AOPEP: variants seen among roughly 807,000 people sequenced by gnomAD.
The protein encoded by AOPEP is aminopeptidase O (putative).
A neutral mutation model predicts 98.1 loss-of-function variants in AOPEP; 77 were observed. The ratio of observed to expected loss-of-function variants is 0.78; its 90% CI spans 0.65 to 0.95. The LOEUF is 0.95. Ranked by LOEUF, AOPEP falls within the 40% of genes least tolerant of loss-of-function variation. AOPEP has a pLI of 0.00. For missense variants in AOPEP, 1,024 were observed against 1,024.7 expected, an observed-to-expected ratio of 1.00 and a Z score of 0.01; for synonymous variants, 346 against 365.3, an observed-to-expected ratio of 0.95 and a Z score of 0.60.
chr9:95,096,440 G>T, the AOPEP span, among the ~76,000 whole-genome samples: 1 of 152,136 alleles, frequency 6.6e-6, no homozygotes, highest in African/African-American at 2.4e-5. Context: ...GTGGGTGCGG[G>T]AGGTGGGTGG....
intron 14 of AOPEP, among the ~76,000 whole-genome samples, chr9:95,071,827 A>G (rs905918420): frequency 6.6e-6 from 1 of 152,298 alleles, no homozygotes; most frequent in Admixed American, 6.5e-5. Flanking sequence ...GGGGTACTCT[A>G]AAGACACAGT....
intron 5 of AOPEP, among the ~76,000 whole-genome samples, chr9:94,857,569 C>T (rs1388956899): frequency 6.6e-6 from 1 of 152,038 alleles, no homozygotes; most frequent in African/African-American, 2.4e-5. Flanking sequence ...TATTATTTGA[C>T]TTCTTAGGAT....
chr9:94,871,548 C>A (rs1286154023), intron 5 of AOPEP, among the ~76,000 whole-genome samples: 3 of 152,184 alleles, frequency 2.0e-5, no homozygotes, highest in African/African-American at 7.2e-5. Context: ...TTTGGTTTTA[C>A]TAATGTTGGA....
intron 5 of AOPEP, among the ~76,000 whole-genome samples, chr9:94,830,814 C>CT (rs978912726): frequency 2.6e-5 from 4 of 152,108 alleles, no homozygotes; most frequent in Non-Finnish European, 1.5e-5. Context: ...TGATGTTGAG[C>CT]TTTTTTTCAT....
intron 3 of AOPEP, among the ~76,000 whole-genome samples, chr9:94,775,432 C>T (rs1439798933): frequency 4.6e-5 from 7 of 150,728 alleles, no homozygotes; most frequent in African/African-American, 9.8e-5. Flanking sequence ...TGCAATGGCG[C>T]GATCTCTGCT....
rs554345279 is a variant in AOPEP, at chr9:94,798,565, A to C, written c.1119-2192A>C. Among the ~76,000 whole-genome samples, 4 of 152,306 alleles carry C rather than the reference A, an allele frequency of 2.6e-5. No individual in the cohort carries two copies. In the South Asian group the frequency reaches 8.3e-4, roughly 32 times the overall value. On this transcript the variant is annotated intron_variant, in intron 4 of 16. Coordinates refer to ENST00000375315, the MANE Select transcript of AOPEP (RefSeq NM_001193329.3). ...AATAATCTTTTCCCATGTTATATTT[A>C]GAGAGACCATTAGAATGACCTTTTT... is the stretch of plus-strand genomic sequence containing the variant.
At chr9:95,066,919 G>A (rs1034294265) in intron 14 of AOPEP, among the ~76,000 whole-genome samples, 1 of 152,098 alleles carries the variant, frequency 6.6e-6, no homozygotes, top group Non-Finnish European at 1.5e-5. Context: ...ACATACTTTT[G>A]TATTGGATTT....
At chr9:95,144,989 A>G in the AOPEP span, among the ~76,000 whole-genome samples, 29 of 152,186 alleles carry the variant, frequency 1.9e-4, no homozygotes, top group Non-Finnish European at 3.7e-4. Context: ...AAAAAAGGCC[A>G]TTTTATTTTT....
At chr9:94,872,243 G>A (rs915894911) in intron 5 of AOPEP, among the ~76,000 whole-genome samples, 2 of 152,188 alleles carry the variant, frequency 1.3e-5, no homozygotes, top group African/African-American at 4.8e-5. Flanking sequence ...CACTCTGGCA[G>A]AGATCTAAAC....
the AOPEP span, among the ~76,000 whole-genome samples, chr9:95,130,888 G>A: frequency 6.6e-6 from 1 of 152,186 alleles, no homozygotes; most frequent in Non-Finnish European, 1.5e-5. Flanking sequence ...CATCTATCAT[G>A]TACAATGAGG....
chr9:94,843,747 A>G (rs1015366507), intron 5 of AOPEP, among the ~76,000 whole-genome samples: 1 of 152,144 alleles, frequency 6.6e-6, no homozygotes, highest in Non-Finnish European at 1.5e-5. Context: ...CCCCATTACT[A>G]TTCAGAAAGG....
intron 5 of AOPEP, among the ~76,000 whole-genome samples, chr9:94,861,551 T>G (rs1322585363): frequency 6.6e-6 from 1 of 152,178 alleles, no homozygotes; most frequent in Non-Finnish European, 1.5e-5. Context: ...AGAGCCAAGC[T>G]GGCACTCAGG....
At chr9:95,086,367 C>T (rs910314947) in intron 16 of AOPEP, 30 of 985,316 alleles carry the variant, frequency 3.0e-5, no homozygotes, top group Admixed American at 6.1e-5. Context: ...GGGCCCAGCT[C>T]TCCCACGGCG....
rs757571360 is a variant in AOPEP at position 94,744,701 on chromosome 9, C to CAAAA, written c.-135-14930_-135-14927dup. ...GGGCAACAAGAGTGAGACTCTGTCT[C>CAAAA]AAAAAAAAAAAAAAAAAAAAAGAAT... On this transcript the variant is annotated intron_variant, in intron 1 of 16. Transcript: ENST00000375315. 7.6e-3 allele frequency among the ~76,000 whole-genome samples: 424 copies of CAAAA among 55,902 alleles called. 5 individuals carry two copies. The highest frequency in any genetic ancestry group is 0.048 in the East Asian group (92 of 1,934). 36.7% of individuals were successfully genotyped at this position (55,902 alleles called of 152,430 possible).
intron 1 of AOPEP, among the ~76,000 whole-genome samples, chr9:94,735,109 A>C (rs1831419032): frequency 6.6e-6 from 1 of 152,192 alleles, no homozygotes; most frequent in Non-Finnish European, 1.5e-5. Context: ...TTGTGATGGC[A>C]AGAGTTGGTT....
chr9:95,013,910 A>G (rs1213888676), intron 13 of AOPEP, among the ~76,000 whole-genome samples: 1 of 152,146 alleles, frequency 6.6e-6, no homozygotes, highest in East Asian at 1.9e-4. Context: ...ATACATTCCA[A>G]TAATTTTAGT....
At chr9:94,758,810 A>T (rs1837612084) in intron 1 of AOPEP, among the ~76,000 whole-genome samples, 1 of 152,240 alleles carries the variant, frequency 6.6e-6, no homozygotes, top group South Asian at 2.1e-4. Context: ...TTGCTAGTAT[A>T]CAATAAGAAT....
At chr9:94,883,597 C>A (rs987149224) in intron 5 of AOPEP, among the ~76,000 whole-genome samples, 3 of 152,122 alleles carry the variant, frequency 2.0e-5, no homozygotes, top group African/African-American at 7.2e-5. Context: ...GACTGAAGAA[C>A]TCAAGGAAGC....
intron 5 of AOPEP, among the ~76,000 whole-genome samples, chr9:94,823,584 G>C (rs1853758916): frequency 6.6e-6 from 1 of 152,140 alleles, no homozygotes; most frequent in Admixed American, 6.6e-5. Flanking sequence ...GGGCTTTTAG[G>C]TGTCCACTGC....
Sources: gnomAD v4.1 joint callset for allele counts (sites outside exome capture counted in the v4.1 genomes callset) on GRCh38, gnomAD v4.1.1 for gene constraint, MANE v1.5 for transcripts, NCBI Gene and HGNC (gene_info 2026-07-23, HGNC 2026-07-21) for gene names.